GTF2H1: variants seen among roughly 807,000 people sequenced by gnomAD.
GTF2H1 encodes the protein general transcription factor IIH subunit 1, also known as BTF2 p62.
Under a neutral mutation model 71.2 loss-of-function variants are expected in GTF2H1, and 16 were observed. The ratio of observed to expected loss-of-function variants is 0.22; its 90% CI spans 0.15 to 0.34. The LOEUF is 0.34. GTF2H1 is among the 10% of genes least tolerant of loss of function. The pLI is 1.00. For missense variants in GTF2H1, 498 were observed against 648.2 expected (o/e 0.77, Z 2.52); for synonymous variants, 215 against 219.0 (o/e 0.98, Z 0.16).
chr11:18,336,434 C>T (rs565163703), intron 3 of GTF2H1, among the ~76,000 whole-genome samples: 84 of 152,090 alleles, frequency 5.5e-4, no homozygotes, highest in Non-Finnish European at 9.9e-4. Flanking sequence ...GGCCACCTAT[C>T]CTCACTTTTG....
intron 7 of GTF2H1, 109 bp downstream of exon 7, chr11:18,341,716 A>G: frequency 1.5e-6 from 1 of 657,298 alleles, no homozygotes; most frequent in East Asian, 2.7e-5. Context: ...AAATAAGCAA[A>G]ATACTGTTAC....
At chr11:18,345,796 G>GTTTTTTTT (rs1554955087) in intron 7 of GTF2H1, among the ~76,000 whole-genome samples, 1 of 125,218 alleles carries the variant, frequency 8.0e-6, no homozygotes, top group Admixed American at 8.5e-5. Flanking sequence ...GCACATATGA[G>GTTTTTTTT]TTTTTTTTTT....
chr11:18,358,510 G>C lies in GTF2H1; in HGVS notation c.1352-15G>C, dbSNP rs1175037426. On this transcript the variant is annotated splice_polypyrimidine_tract_variant and intron_variant, in intron 12 of 14. Transcript: ENST00000265963. ...AAATAGCTCTTAACCTATGGGCCTT[G>C]TTCTTCTTTTGCAGAGATGGTGCCA... is the stretch of plus-strand genomic sequence containing the variant. 1.4e-6 allele frequency: 2 copies of C among 1,458,180 alleles called. No individual in the cohort carries two copies. The highest frequency in any genetic ancestry group is 2.8e-5 in the African/African-American group (2 of 71,844). The allele number at this position is 1,458,180 out of a possible 1,614,324, so 90.3% of individuals were successfully genotyped here.
chr11:18,324,563 A>C (rs919913274), intron 1 of GTF2H1, among the ~76,000 whole-genome samples: 1 of 152,000 alleles, frequency 6.6e-6, no homozygotes, highest in Non-Finnish European at 1.5e-5. Context: ...TCTCTGTGCT[A>C]TTTTATTCCC....
At chr11:18,339,714 A>T in intron 5 of GTF2H1, 57 bp downstream of exon 5, 1 of 1,020,588 alleles carries the variant, frequency 9.8e-7, no homozygotes, top group South Asian at 1.5e-5. Context: ...TCTATAGTAT[A>T]TCAGTGAAAA....
intron 5 of GTF2H1, among the ~76,000 whole-genome samples, chr11:18,340,644 C>A (rs1017545224): frequency 1.3e-5 from 2 of 152,148 alleles, no homozygotes; most frequent in Non-Finnish European, 2.9e-5. Flanking sequence ...GTGCCAGACG[C>A]TTTTCTAAGT....
At chr11:18,344,519 T>C (rs902084358) in intron 7 of GTF2H1, among the ~76,000 whole-genome samples, 11 of 148,296 alleles carry the variant, frequency 7.4e-5, no homozygotes, top group African/African-American at 2.8e-4. Context: ...CCCAGGAGGC[T>C]GAGGCAGGAG....
chr11:18,363,030 A>G (rs1449795360), intron 14 of GTF2H1, among the ~76,000 whole-genome samples: 1 of 151,886 alleles, frequency 6.6e-6, no homozygotes, highest in Non-Finnish European at 1.5e-5. Flanking sequence ...TAAGACACAA[A>G]CACACATTAG....
intron 10 of GTF2H1, 84 bp from the exon 11 acceptor site, chr11:18,352,245 T>C (rs554061393): frequency 4.2e-6 from 3 of 711,548 alleles, no homozygotes; most frequent in Non-Finnish European, 7.6e-6. Context: ...GGGAACTTAG[T>C]ACTGACTGCT....
rs1865158436 is a variant in GTF2H1, at chr11:18,341,623, A to G, written c.837+16A>G. 10 of 1,485,568 alleles carry G rather than the reference A, an allele frequency of 6.7e-6. No homozygotes were observed. Among genetic ancestry groups the G allele is most frequent in the Non-Finnish European group, 8.4e-6 (9 of 1,074,420 alleles). The allele number at this position is 1,485,568 out of a possible 1,614,324, so 92.0% of individuals were successfully genotyped here. On this transcript the variant is annotated intron_variant, in intron 7 of 14. Transcript: ENST00000265963. Reference sequence around the variant, plus strand: ...ATTAGATGAGGTAAGAAGCAATAAAAGAAGTTTTGAGAGAAAAGAGTCTTT... The same window carrying G: ...ATTAGATGAGGTAAGAAGCAATAAAGGAAGTTTTGAGAGAAAAGAGTCTTT...
intron 1 of GTF2H1, among the ~76,000 whole-genome samples, chr11:18,324,724 A>T (rs898452898): frequency 2.1e-5 from 3 of 142,574 alleles, no homozygotes; most frequent in Non-Finnish European, 4.4e-5. Flanking sequence ...CCATTGACCT[A>T]GTAGTTCCTC....
At chr11:18,346,518 G>A (rs988274438) in intron 7 of GTF2H1, among the ~76,000 whole-genome samples, 3 of 151,870 alleles carry the variant, frequency 2.0e-5, no homozygotes, top group Non-Finnish European at 2.9e-5. Context: ...TATGGCATGG[G>A]GTCTTAATCA....
In GTF2H1 at chr11:18,338,306, T is replaced by C. The variant is rs753798800; in HGVS notation, c.513+32T>C. 1.7e-5 allele frequency: 25 copies of C among 1,498,820 alleles called. No homozygotes were observed. The South Asian group carries it at 2.7e-4, about 16-fold the overall frequency. The allele number at this position is 1,498,820 out of a possible 1,614,324, so 92.8% of individuals were successfully genotyped here. On this transcript the variant is annotated intron_variant, in intron 4 of 14. Coordinates refer to ENST00000265963, the MANE Select transcript of GTF2H1 (RefSeq NM_005316.4). Reference sequence around the variant, plus strand: ...GAGCCTTCTAGATTTCTGAAGAAAATAAAAATTCAAACCCCAATATGTGTC... The same window carrying C: ...GAGCCTTCTAGATTTCTGAAGAAAACAAAAATTCAAACCCCAATATGTGTC...
In GTF2H1 at chr11:18,333,902, G is replaced by A. The variant is rs184605432; in HGVS notation, c.154+674G>A. On this transcript the variant is annotated intron_variant, in intron 2 of 14. Transcript: ENST00000265963. ...TTATGTGGCCATCTTCTGTTGAGAA[G>A]ACTCAACCTTATAGTGAATGTAGGT... Among the ~76,000 whole-genome samples, 17 of 152,302 alleles carry A rather than the reference G, an allele frequency of 1.1e-4. No individual in the cohort carries two copies. The East Asian group carries it at 1.9e-3, about 17-fold the overall frequency.
At chr11:18,349,489 C>T (rs1865378627) in intron 9 of GTF2H1, among the ~76,000 whole-genome samples, 1 of 152,034 alleles carries the variant, frequency 6.6e-6, no homozygotes, top group Non-Finnish European at 1.5e-5. Context: ...TCTAGATCAG[C>T]CTGGCCAGCA....
rs1196052503 is a variant in GTF2H1 at position 18,357,970 on chromosome 11, G to A, written c.1279G>A (p.Ala427Thr). 3.1e-6 allele frequency: 5 copies of A among 1,609,880 alleles called. No homozygotes were observed. The highest frequency in any genetic ancestry group is 1.1e-5 in the South Asian group (1 of 90,982). ...KLTQVLSSSA[A>T]SSTITALSPG... ...TTTTCAGGTTCTCTCAAGTAGTGCT[G>A]CCAGTAGTACCATCACAGCACTGTC... The change falls in exon 12 of 15, where the codon GCC becomes ACC. Residue 427 changes from alanine to threonine, a missense_variant. This residue lies in a region of GTF2H1 where 266 missense variants were observed against 301.6 expected (regional missense o/e 0.88). Coordinates refer to ENST00000265963, the MANE Select transcript of GTF2H1 (RefSeq NM_005316.4).
chr11:18,339,626 C>A lies in GTF2H1; in HGVS notation c.576C>A (p.Ile192=). ...TAAGATATAATTTAACTTCTGATAT[C>A]ATTGAGTCCATATTTAGGACCTATC... The part of the protein sequence containing the change: ...NGLRYNLTSD[I]IESIFRTYPA... Residue 192 remains isoleucine (I), a synonymous_variant, in exon 5 of 15, where the codon ATC becomes ATA. Transcript: ENST00000265963. 6.2e-7 allele frequency: 1 copy of A among 1,609,632 alleles called. No homozygotes were observed. The highest frequency in any genetic ancestry group is 8.5e-7 in the Non-Finnish European group (1 of 1,175,980).
chr11:18,338,892 A>T (rs1433106461), intron 4 of GTF2H1, among the ~76,000 whole-genome samples: 1 of 152,138 alleles, frequency 6.6e-6, no homozygotes, highest in African/African-American at 2.4e-5. Context: ...CAGAGTTTGG[A>T]CTAATACTTA....
intron 3 of GTF2H1, 93 bp from the exon 4 acceptor site, chr11:18,338,016 C>A: frequency 1.3e-6 from 1 of 762,040 alleles, no homozygotes; most frequent in Non-Finnish European, 2.1e-6. Context: ...TTGTGTGTTT[C>A]AATGTTTTGT....
Sources: gnomAD v4.1 joint callset for allele counts (sites outside exome capture counted in the v4.1 genomes callset) on GRCh38, gnomAD v4.1.1 for gene constraint, gnomAD v4.1.1 regional missense constraint, MANE v1.5 for transcripts, NCBI Gene and HGNC (gene_info 2026-07-23, HGNC 2026-07-21) for gene names.